The following ASTN2 variants were observed in gnomAD, a reference collection of about 807,000 sequenced individuals.
ASTN2 encodes astrotactin-2.
ASTN2 carries 54 observed loss-of-function variants against 139.8 expected under a neutral mutation model. The observed-to-expected ratio is 0.39, with a 90% CI of 0.31 to 0.48. The LOEUF (loss-of-function observed/expected upper bound fraction) is 0.48. ASTN2 is among the 20% of genes least tolerant of loss of function. The pLI, the probability that ASTN2 is intolerant of heterozygous loss-of-function variation, is 0.95. For missense variants in ASTN2, 1,565 were observed against 1,725.1 expected (o/e 0.91, Z 1.64); for synonymous variants, 756 against 719.5 (o/e 1.05, Z -0.81).
intron 11 of ASTN2, among the ~76,000 whole-genome samples, chr9:116,842,984 G>T (rs1034010304): frequency 3.9e-5 from 6 of 152,040 alleles, no homozygotes; most frequent in African/African-American, 1.4e-4. Context: ...TCTCTGCAGG[G>T]TCCAACCCTC....
intron 19 of ASTN2, among the ~76,000 whole-genome samples, chr9:116,597,224 A>G (rs1854621726): frequency 6.6e-6 from 1 of 151,370 alleles, no homozygotes; most frequent in Non-Finnish European, 1.5e-5. Flanking sequence ...CCAAAGCCAT[A>G]GGCATTGTGA....
chr9:116,712,997 A>G (rs1828209864), intron 16 of ASTN2, among the ~76,000 whole-genome samples: 1 of 151,978 alleles, frequency 6.6e-6, no homozygotes, highest in Non-Finnish European at 1.5e-5. Context: ...GTCTCTGCCT[A>G]TTAGCAGCCA....
chr9:116,884,566 T>C (rs1338884481), intron 10 of ASTN2, among the ~76,000 whole-genome samples: 4 of 151,528 alleles, frequency 2.6e-5, no homozygotes, highest in Non-Finnish European at 5.9e-5. Context: ...CAGAGGAATC[T>C]CTTGATTCCT....
intron 3 of ASTN2, among the ~76,000 whole-genome samples, chr9:117,161,864 C>CA (rs1554785388): frequency 6.8e-6 from 1 of 147,054 alleles, no homozygotes; most frequent in Non-Finnish European, 1.5e-5. Context: ...TTTTCTTTTT[C>CA]TTTTTTTTTA....
rs979947971 is a variant in ASTN2, at chr9:117,370,144, C to T, written c.442+44353G>A. ...GCTCCTCCTTTGAGGTAGATGAGGG[C>T]GGGGAAAGAGAAGATGGAGAACAGA... On this transcript the variant is annotated intron_variant, in intron 1 of 22. Transcript: ENST00000313400. 4.6e-5 allele frequency among the ~76,000 whole-genome samples: 7 copies of T among 151,776 alleles called. No homozygotes were observed. The East Asian group carries it at 7.7e-4, about 17-fold the overall frequency.
At chr9:116,764,312 G>A (rs1829750583) in intron 13 of ASTN2, among the ~76,000 whole-genome samples, 1 of 152,194 alleles carries the variant, frequency 6.6e-6, no homozygotes, top group African/African-American at 2.4e-5. Flanking sequence ...GGTTATTGCA[G>A]GAGTATCAAG....
intron 13 of ASTN2, among the ~76,000 whole-genome samples, chr9:116,796,098 C>CT (rs1265359089): frequency 1.3e-5 from 2 of 152,210 alleles, no homozygotes; most frequent in African/African-American, 4.8e-5. Context: ...CGTGGGACTT[C>CT]TGTCTGCCAA....
intron 13 of ASTN2, among the ~76,000 whole-genome samples, chr9:116,775,771 G>GAGGAAGGA (rs1830071664): frequency 6.9e-6 from 1 of 144,012 alleles, no homozygotes; most frequent in East Asian, 2.1e-4. Flanking sequence ...AGGAGGAAAG[G>GAGGAAGGA]GGGAAGGAGG....
chr9:116,677,267 G>A (rs571030459), intron 16 of ASTN2, among the ~76,000 whole-genome samples: 3 of 152,044 alleles, frequency 2.0e-5, no homozygotes, highest in Admixed American at 6.5e-5. Context: ...CTCATAGCTT[G>A]GGACTCCTTG....
intron 6 of ASTN2, among the ~76,000 whole-genome samples, chr9:117,012,326 A>G (rs1158250217): frequency 6.6e-6 from 1 of 152,214 alleles, no homozygotes; most frequent in Non-Finnish European, 1.5e-5. Context: ...CTCATGATGC[A>G]TATGGCAAAA....
At chr9:117,063,870 C>G (rs1839371220) in intron 5 of ASTN2, among the ~76,000 whole-genome samples, 1 of 152,004 alleles carries the variant, frequency 6.6e-6, no homozygotes, top group Non-Finnish European at 1.5e-5. Flanking sequence ...GCCACAGGAC[C>G]ACAAGTGCTA....
chr9:117,289,581 T>C (rs1282951312), intron 2 of ASTN2, among the ~76,000 whole-genome samples: 2 of 152,110 alleles, frequency 1.3e-5, no homozygotes, highest in African/African-American at 4.8e-5. Context: ...ACACAGAAAA[T>C]GTTTAATGAA....
In ASTN2 at chr9:117,291,291, A is replaced by G. The variant is rs138745960; in HGVS notation, c.630+35T>C. 4.3e-6 allele frequency: 7 copies of G among 1,610,870 alleles called. No individual in the cohort carries two copies. The African/African-American group carries it at 9.4e-5, about 22-fold the overall frequency. Reference sequence around the variant, plus strand: ...TCTCCACCCATTCCTCCCCCACGCAATCCCCGACCCCGGTCACATCCCCCC... The same window carrying G: ...TCTCCACCCATTCCTCCCCCACGCAGTCCCCGACCCCGGTCACATCCCCCC... On this transcript the variant is annotated intron_variant, in intron 2 of 22. Transcript: ENST00000313400.
At chr9:116,537,626 T>A (rs1325820525) in intron 19 of ASTN2, among the ~76,000 whole-genome samples, 2 of 152,192 alleles carry the variant, frequency 1.3e-5, no homozygotes, top group East Asian at 3.9e-4. Flanking sequence ...AACCTAAGAG[T>A]ATCTCTTAGA....
At chr9:116,690,751 C>T (rs924936138) in intron 16 of ASTN2, among the ~76,000 whole-genome samples, 5 of 152,146 alleles carry the variant, frequency 3.3e-5, no homozygotes, top group African/African-American at 1.2e-4. Context: ...AGGCTACTTT[C>T]TCTGAGCATT....
In ASTN2 at chr9:117,048,759, C is replaced by T. The variant is rs184675642; in HGVS notation, c.1277-8794G>A. On this transcript the variant is annotated intron_variant, in intron 5 of 22. Coordinates refer to ENST00000313400, the MANE Select transcript of ASTN2 (RefSeq NM_001365068.1). ...CTATGTAGTTGGCATTGCTGTTATC[C>T]CCAATAGACAAATGAGAAGTGACAG... Among the ~76,000 whole-genome samples the T allele has an allele frequency of 3.2e-4, 49 of 152,092 alleles. 1 individual carries two copies. The highest frequency in any genetic ancestry group is 1.2e-3 in the African/African-American group (48 of 41,500).
intron 17 of ASTN2, among the ~76,000 whole-genome samples, chr9:116,628,672 T>C (rs1010793611): frequency 6.6e-6 from 1 of 152,218 alleles, no homozygotes; most frequent in Admixed American, 6.5e-5. Flanking sequence ...TATACATTTG[T>C]AAAAACCCAC....
At chr9:116,456,663 C>G (rs1848342742) in intron 20 of ASTN2, among the ~76,000 whole-genome samples, 1 of 152,102 alleles carries the variant, frequency 6.6e-6, no homozygotes, top group African/African-American at 2.4e-5. Context: ...AGGGAAATCT[C>G]TTTTTATAAA....
At chr9:116,897,441 A>G (rs1833904647) in intron 10 of ASTN2, among the ~76,000 whole-genome samples, 1 of 152,234 alleles carries the variant, frequency 6.6e-6, no homozygotes, top group Non-Finnish European at 1.5e-5. Context: ...TCACACAGAT[A>G]AAAATGATAC....
Sources: allele counts gnomAD v4.1 joint callset (sites outside exome capture counted in the v4.1 genomes callset), GRCh38; gene constraint gnomAD v4.1.1; transcripts MANE v1.5; gene names NCBI Gene and HGNC (gene_info 2026-07-23, HGNC 2026-07-21).